The following TBXAS1 variants were observed in gnomAD, a reference collection of about 807,000 sequenced individuals.
TBXAS1 encodes the protein thromboxane A synthase 1.
Under a neutral mutation model 60.7 loss-of-function variants are expected in TBXAS1, and 48 were observed. That is an observed-to-expected ratio of 0.79 (90% CI 0.63 to 1.01). The LOEUF (loss-of-function observed/expected upper bound fraction) is 1.01. Ranked by LOEUF, TBXAS1 falls within the 50% of genes least tolerant of loss-of-function variation. The probability of loss-of-function intolerance (pLI) is 0.00; values close to 1 mark genes in which losing one functional copy is unlikely to be tolerated. For synonymous variants in TBXAS1, 287 were observed against 269.7 expected (o/e 1.06, Z -0.63); for missense variants, 685 against 686.3 (o/e 1.00, Z 0.02).
rs987725644 is a variant in TBXAS1, at chr7:139,845,970, G to A, written c.89+16491G>A. ...CCCATGAGTAGCTGGGACTACAAGC[G>A]AGCACTACCACCCCAGGCTATTTTT... On this transcript the variant is annotated intron_variant, in intron 1 of 12. Transcript: ENST00000448866. 6.6e-5 allele frequency among the ~76,000 whole-genome samples: 10 copies of A among 151,814 alleles called. No homozygotes were observed. The East Asian group carries it at 1.2e-3, about 18-fold the overall frequency.
At chr7:139,833,368 G>T (rs535086407) in intron 1 of TBXAS1, among the ~76,000 whole-genome samples, 1 of 151,766 alleles carries the variant, frequency 6.6e-6, no homozygotes, top group Non-Finnish European at 1.5e-5. Flanking sequence ...AAAACAAATC[G>T]TAAAGCAACA....
At chr7:139,982,749 A>C (rs113388757) in intron 9 of TBXAS1, among the ~76,000 whole-genome samples, 1 of 152,178 alleles carries the variant, frequency 6.6e-6, no homozygotes, top group Non-Finnish European at 1.5e-5. Context: ...CACAGCCCAC[A>C]TGTTGAAAAA....
intron 4 of TBXAS1, chr7:139,913,005 G>A (rs1207570725): frequency 3.0e-6 from 2 of 661,710 alleles, no homozygotes; most frequent in South Asian, 1.5e-5. Flanking sequence ...GACATTTCAG[G>A]ATGTCAAGGT....
chr7:139,919,669 G>A (rs562736537), intron 4 of TBXAS1, among the ~76,000 whole-genome samples: 1 of 152,324 alleles, frequency 6.6e-6, no homozygotes, highest in Admixed American at 6.5e-5. Flanking sequence ...TCTGGAAGGA[G>A]CCAGTGGTTC....
intron 4 of TBXAS1, among the ~76,000 whole-genome samples, chr7:139,926,655 T>G (rs1205542193): frequency 6.6e-6 from 1 of 152,114 alleles, no homozygotes. Context: ...CTTTATTCTT[T>G]TTTTTTCTAC....
intron 11 of TBXAS1, chr7:140,016,929 AG>A (rs1796017928): frequency 6.6e-6 from 1 of 152,542 alleles, no homozygotes; most frequent in South Asian, 2.1e-4. Flanking sequence ...CCGCAGCCAC[AG>A]GGCTTACAGC....
intron 11 of TBXAS1, 112 bp downstream of exon 11, chr7:140,015,972 T>C (rs2116459906): frequency 7.0e-7 from 1 of 1,429,280 alleles, no homozygotes; most frequent in South Asian, 1.2e-5. Context: ...TGTCCCCAAA[T>C]AGTCAAAAGT....
chr7:139,992,416 G>A (rs533846419), intron 9 of TBXAS1, among the ~76,000 whole-genome samples: 1 of 152,216 alleles, frequency 6.6e-6, no homozygotes, highest in Non-Finnish European at 1.5e-5. Flanking sequence ...GCAGAGGGGA[G>A]GGCCACTCTC....
intron 10 of TBXAS1, among the ~76,000 whole-genome samples, chr7:140,014,934 G>GGAGGAGGAGGAGAAGAAGAA: frequency 1.4e-5 from 2 of 143,358 alleles, no homozygotes; most frequent in East Asian, 4.4e-4. Flanking sequence ...GAAGAAAGAA[G>GGAGGAGGAGGAGAAGAAGAA]GAGGAGGAGG....
intron 9 of TBXAS1, among the ~76,000 whole-genome samples, chr7:139,978,069 T>G (rs1201041633): frequency 1.3e-5 from 2 of 152,164 alleles, no homozygotes; most frequent in Non-Finnish European, 2.9e-5. Flanking sequence ...GTCTGTGGCT[T>G]GTGGCCAGCT....
At chr7:139,921,307 T>A (rs967923057) in intron 4 of TBXAS1, among the ~76,000 whole-genome samples, 1 of 152,248 alleles carries the variant, frequency 6.6e-6, no homozygotes, top group African/African-American at 2.4e-5. Context: ...CTTTTCCTGC[T>A]GTTGAACTTC....
At chr7:139,991,419 C>A (rs1262534000) in intron 9 of TBXAS1, among the ~76,000 whole-genome samples, 1 of 151,686 alleles carries the variant, frequency 6.6e-6, no homozygotes, top group Non-Finnish European at 1.5e-5. Flanking sequence ...CTGTGCATCA[C>A]CCGTCTCCAC....
At chr7:139,805,436 G>A (rs1797822678) in intron 4 of TBXAS1, among the ~76,000 whole-genome samples, 1 of 152,208 alleles carries the variant, frequency 6.6e-6, no homozygotes, top group South Asian at 2.1e-4. Context: ...AGGTAGGAGT[G>A]CTTCCTGTTC....
chr7:139,970,021 A>T (rs1811077446), intron 9 of TBXAS1, among the ~76,000 whole-genome samples: 2 of 152,236 alleles, frequency 1.3e-5, no homozygotes, highest in Admixed American at 1.3e-4. Flanking sequence ...TTTAACGTGC[A>T]CGGGAATCAC....
intron 9 of TBXAS1, among the ~76,000 whole-genome samples, chr7:139,978,744 C>T (rs1228175276): frequency 7.2e-6 from 1 of 139,506 alleles, no homozygotes; most frequent in African/African-American, 2.7e-5. Flanking sequence ...TCAATACCAG[C>T]TTGGGCAATA....
intron 5 of TBXAS1, among the ~76,000 whole-genome samples, chr7:139,947,614 T>G (rs571953805): frequency 1.2e-4 from 19 of 152,378 alleles, no homozygotes; most frequent in African/African-American, 4.6e-4. Flanking sequence ...CTCCAGGTTA[T>G]GCAGAACCTT....
intron 1 of TBXAS1, 92 bp downstream of exon 1, chr7:139,829,571 T>C (rs2116477198): frequency 8.7e-7 from 1 of 1,146,456 alleles, no homozygotes; most frequent in East Asian, 2.5e-5. Context: ...GGGAGTGTGT[T>C]TTTCTTCTTT....
intron 9 of TBXAS1, among the ~76,000 whole-genome samples, chr7:139,978,238 G>A (rs530158948): frequency 2.0e-5 from 3 of 152,272 alleles, no homozygotes; most frequent in South Asian, 2.1e-4. Flanking sequence ...GCCAGGCACC[G>A]TGGCTCACAT....
chr7:139,983,893 A>G (rs1812139775), intron 9 of TBXAS1, among the ~76,000 whole-genome samples: 1 of 152,220 alleles, frequency 6.6e-6, no homozygotes, highest in Non-Finnish European at 1.5e-5. Flanking sequence ...TGCACAGAGA[A>G]GTGGATTGGA....
Sources: gnomAD v4.1 joint callset for allele counts (sites outside exome capture counted in the v4.1 genomes callset) on GRCh38, gnomAD v4.1.1 for gene constraint, MANE v1.5 for transcripts, NCBI Gene and HGNC (gene_info 2026-07-23, HGNC 2026-07-21) for gene names.